Variants in SGCZ observed in about 807,000 individuals in gnomAD.
SGCZ encodes zeta-sarcoglycan.
SGCZ carries 40 observed loss-of-function variants against 41.3 expected under a neutral mutation model. The ratio of observed to expected loss-of-function variants is 0.97; its 90% CI spans 0.75 to 1.26. The LOEUF is 1.26. Ranked by LOEUF, SGCZ falls within the 50% of genes most tolerant of loss-of-function variation. SGCZ has a pLI of 0.00. For synonymous variants in SGCZ, 206 were observed against 137.5 expected (o/e 1.50, Z -3.49); for missense variants, 552 against 369.8 (o/e 1.49, Z -4.04).
intron 1 of SGCZ, among the ~76,000 whole-genome samples, chr8:14,753,473 T>G (rs905608970): frequency 1.3e-5 from 2 of 152,110 alleles, no homozygotes; most frequent in East Asian, 3.9e-4. Flanking sequence ...AAGAAGAAAA[T>G]TTTTCAAATA....
chr8:14,974,773 T>A (rs886693519), intron 1 of SGCZ, among the ~76,000 whole-genome samples: 2 of 150,858 alleles, frequency 1.3e-5, no homozygotes, highest in Non-Finnish European at 2.9e-5. Context: ...TCCATGATAC[T>A]ACAATGAACA....
chr8:14,272,779 A>T (rs1240463990), intron 3 of SGCZ, among the ~76,000 whole-genome samples: 18 of 152,206 alleles, frequency 1.2e-4, no homozygotes, highest in Non-Finnish European at 4.4e-5. Context: ...TTATAACCTC[A>T]GTTTTGACTG....
intron 1 of SGCZ, among the ~76,000 whole-genome samples, chr8:14,839,181 C>G (rs536612624): frequency 1.6e-4 from 25 of 151,706 alleles, no homozygotes; most frequent in African/African-American, 5.8e-4. Context: ...AGTGAAATAG[C>G]GGGGTGATAT....
rs568677775 is a variant in SGCZ, at chr8:14,403,080, GCT to G, written c.235-78878_235-78877del. On this transcript the variant is annotated intron_variant, in intron 2 of 7. Transcript: ENST00000382080. ...TGAATGGGAGTTCACTCATGATTTG[GCT>G]CTCTGTTTGTCTGCTGTTGGTGTAT... is the stretch of plus-strand genomic sequence containing the variant. 2.0e-5 allele frequency among the ~76,000 whole-genome samples: 3 copies of G among 149,608 alleles called. No homozygotes were observed. In the East Asian group the frequency reaches 5.8e-4, roughly 29 times the overall value.
At chr8:14,801,721 A>C (rs1245739532) in intron 1 of SGCZ, among the ~76,000 whole-genome samples, 1 of 152,208 alleles carries the variant, frequency 6.6e-6, no homozygotes, top group Non-Finnish European at 1.5e-5. Context: ...AAGGATCAAG[A>C]TCATGTGGTC....
intron 2 of SGCZ, among the ~76,000 whole-genome samples, chr8:14,402,339 T>G (rs946829882): frequency 1.1e-4 from 16 of 151,666 alleles, no homozygotes; most frequent in African/African-American, 2.7e-4. Context: ...TTGCTTTTGG[T>G]GTTTTAGACA....
intron 1 of SGCZ, among the ~76,000 whole-genome samples, chr8:14,749,915 A>C (rs916689491): frequency 2.0e-5 from 3 of 152,194 alleles, no homozygotes; most frequent in Non-Finnish European, 2.9e-5. Context: ...ATTATGTACA[A>C]AAAATAAAAG....
intron 4 of SGCZ, among the ~76,000 whole-genome samples, chr8:14,177,094 TG>T (rs1193721716): frequency 6.6e-6 from 1 of 152,032 alleles, no homozygotes. Context: ...GGAGCATCTG[TG>T]GGGGAAATCC....
chr8:14,783,114 A>G (rs1467889060), intron 1 of SGCZ, among the ~76,000 whole-genome samples: 1 of 152,184 alleles, frequency 6.6e-6, no homozygotes, highest in African/African-American at 2.4e-5. Flanking sequence ...AAATAAAATA[A>G]ATTAGGGAAT....
In SGCZ at chr8:15,232,686, T is replaced by C. The variant is rs1020552608; in HGVS notation, c.39+4899A>G. On this transcript the variant is annotated intron_variant, in intron 1 of 7. Transcript: ENST00000382080. ...ATATATATGTGTGTGTATATATATA[T>C]ATATGTGTGTATATATATACATATA... is the stretch of plus-strand genomic sequence containing the variant. Among the ~76,000 whole-genome samples, 24 of 142,508 alleles carry C rather than the reference T, an allele frequency of 1.7e-4. 1 individual carries two copies. The highest frequency in any genetic ancestry group is 4.3e-4 in the Admixed American group (6 of 13,820). 93.5% of individuals were successfully genotyped at this position (142,508 alleles called of 152,430 possible). A position where few individuals can be genotyped will look rare whatever the true frequency, so the allele number is the denominator to read the frequency against.
intron 4 of SGCZ, among the ~76,000 whole-genome samples, chr8:14,170,148 T>C (rs1170192413): frequency 1.3e-5 from 2 of 152,160 alleles, no homozygotes; most frequent in East Asian, 3.9e-4. Flanking sequence ...ATAGAAGTTT[T>C]AGAAATCTTC....
rs1801628600 is a variant in SGCZ, at chr8:14,089,726, A to G, written c.*717T>C. On this transcript the variant is annotated 3_prime_UTR_variant, in exon 8 of 8. Coordinates refer to ENST00000382080, the MANE Select transcript of SGCZ (RefSeq NM_139167.4). ...ATATAAGGCCATCCAGATCTGACCAATGACATTATAATGGCATTTTGTTAA... is the reference window on the plus strand; with the variant it reads ...ATATAAGGCCATCCAGATCTGACCAGTGACATTATAATGGCATTTTGTTAA... 1 of 152,028 alleles carries G rather than the reference A, an allele frequency of 6.6e-6. No homozygotes were observed. The highest frequency in any genetic ancestry group is 2.1e-4 in the South Asian group (1 of 4,836). The allele number at this position is 152,028 out of a possible 1,614,324, so 9.4% of individuals were successfully genotyped here.
intron 5 of SGCZ, among the ~76,000 whole-genome samples, chr8:14,117,545 C>A (rs1257166968): frequency 6.6e-6 from 1 of 150,654 alleles, no homozygotes; most frequent in Non-Finnish European, 1.5e-5. Context: ...TTGTAAATAC[C>A]TTTCCAGAGA....
In SGCZ at chr8:14,391,229, A is replaced by T. The variant is rs999931618; in HGVS notation, c.235-67025T>A. 1.3e-5 allele frequency among the ~76,000 whole-genome samples: 2 copies of T among 152,136 alleles called. 1 individual carries two copies. Among genetic ancestry groups the T allele is most frequent in the Non-Finnish European group, 2.9e-5 (2 of 68,010 alleles). ...ACAAAATGATCTTCTGTCATCATCA[A>T]TGAAAACATTTATTCCCAAATAGGT... On this transcript the variant is annotated intron_variant, in intron 2 of 7. Coordinates refer to ENST00000382080, the MANE Select transcript of SGCZ (RefSeq NM_139167.4).
At chr8:14,121,876 T>C (rs779261184) in intron 5 of SGCZ, among the ~76,000 whole-genome samples, 1 of 152,344 alleles carries the variant, frequency 6.6e-6, no homozygotes, top group Non-Finnish European at 1.5e-5. Flanking sequence ...TGTAGGTTTT[T>C]TAAAAATTTT....
At chr8:14,616,229 G>A (rs1305353693) in intron 1 of SGCZ, among the ~76,000 whole-genome samples, 1 of 151,428 alleles carries the variant, frequency 6.6e-6, no homozygotes, top group East Asian at 1.9e-4. Flanking sequence ...CTTGCAGTGA[G>A]TGGAGATCGC....
At chr8:14,647,542 C>T (rs73664421) in intron 1 of SGCZ, among the ~76,000 whole-genome samples, 26,745 of 151,846 alleles carry the variant, frequency 0.18, 2,616 homozygotes, top group South Asian at 0.32. Flanking sequence ...TTTCTCTCTC[C>T]GCAATGGTAC....
chr8:14,730,169 C>G (rs1810188568), intron 1 of SGCZ, among the ~76,000 whole-genome samples: 1 of 152,206 alleles, frequency 6.6e-6, no homozygotes, highest in Non-Finnish European at 1.5e-5. Context: ...AGAATCTTGT[C>G]TGCTCTCATC....
chr8:14,168,178 C>G (rs898861094), intron 4 of SGCZ, among the ~76,000 whole-genome samples: 1 of 151,996 alleles, frequency 6.6e-6, no homozygotes. Flanking sequence ...TCAAAATTTC[C>G]ACAAGGAAAA....
Sources: gnomAD v4.1 joint callset for allele counts (sites outside exome capture counted in the v4.1 genomes callset) on GRCh38, gnomAD v4.1.1 for gene constraint, MANE v1.5 for transcripts, NCBI Gene and HGNC (gene_info 2026-07-23, HGNC 2026-07-21) for gene names.